ATG14: variants seen among roughly 807,000 people sequenced by gnomAD.
The protein encoded by ATG14 is autophagy related 14.
In ATG14, 35 loss-of-function variants were observed where a neutral mutation model predicts 60.4. The ratio of observed to expected loss-of-function variants is 0.58; its 90% CI spans 0.44 to 0.77. ATG14 has a LOEUF of 0.77. Ranked by LOEUF, ATG14 falls within the 30% of genes least tolerant of loss-of-function variation. The pLI is 0.00. For missense variants in ATG14, 647 were observed against 626.3 expected (o/e 1.03, Z -0.35); for synonymous variants, 234 against 228.8 (o/e 1.02, Z -0.21).
chr14:55,369,782 G>A lies in ATG14; in HGVS notation c.1316C>T (p.Pro439Leu). 1.2e-6 allele frequency: 2 copies of A among 1,614,184 alleles called. No homozygotes were observed. The highest frequency in any genetic ancestry group is 1.7e-6 in the Non-Finnish European group (2 of 1,180,026). The stretch of plus-strand genomic sequence containing the variant: ...AGGGATATCACAAAACCGGGGACTA[G>A]GCAAGTTCTCCCAGTCTGTGCCCAG... ...TDLGTDWENLPSPRFCDIPSQ... is the reference protein window; with the variant it reads ...TDLGTDWENLLSPRFCDIPSQ... Residue 439 changes from proline (P) to leucine (L), a missense_variant, in exon 10 of 10, where the codon CCT becomes CTT. Transcript: ENST00000247178.
chr14:55,397,940 A>ATTATTTTT (rs1404740029), intron 1 of ATG14, among the ~76,000 whole-genome samples: 1 of 136,836 alleles, frequency 7.3e-6, no homozygotes, highest in African/African-American at 3.0e-5. Flanking sequence ...CATTGCAGTA[A>ATTATTTTT]TTCTTTTTTT....
At position 55,369,429 on chromosome 14, in the gene ATG14, A is replaced by T. The variant is rs1884760378; in HGVS notation, c.*190T>A. 1 of 483,790 alleles carries T rather than the reference A, an allele frequency of 2.1e-6. No homozygotes were observed. The highest frequency in any genetic ancestry group is 3.5e-6 in the Non-Finnish European group (1 of 286,206). 30.0% of individuals were successfully genotyped at this position (483,790 alleles called of 1,614,324 possible). A position where few individuals can be genotyped will look rare whatever the true frequency, so the allele number is the denominator to read the frequency against. On this transcript the variant is annotated 3_prime_UTR_variant, in exon 10 of 10. Transcript: ENST00000247178. ...CCCTGTTCTCTTAATTATCATAAGCATGTTGGTCACCATCACAGGCCACTT... is the reference window on the plus strand; with the variant it reads ...CCCTGTTCTCTTAATTATCATAAGCTTGTTGGTCACCATCACAGGCCACTT...
rs75291779 is a variant in ATG14 at position 55,368,110 on chromosome 14, TA to T, written c.*1508del. 1 of 152,338 alleles carries T rather than the reference TA, an allele frequency of 6.6e-6. No individual in the cohort carries two copies. Among genetic ancestry groups the T allele is most frequent in the Non-Finnish European group, 1.5e-5 (1 of 67,940 alleles). 9.4% of individuals were successfully genotyped at this position (152,338 alleles called of 1,614,324 possible). ...AGGATTTTTTTGCAGTTATTAAAAATAAACTACTTACATATTTGTACATAAT... is the reference window on the plus strand; with the variant it reads ...AGGATTTTTTTGCAGTTATTAAAAATAACTACTTACATATTTGTACATAAT... On this transcript the variant is annotated 3_prime_UTR_variant, in exon 10 of 10. Transcript: ENST00000247178.
chr14:55,385,204 G>A (rs1172668393), intron 5 of ATG14, among the ~76,000 whole-genome samples: 2 of 152,166 alleles, frequency 1.3e-5, no homozygotes, highest in African/African-American at 4.8e-5. Flanking sequence ...ATCAGACAAG[G>A]AAATCAAGAT....
intron 1 of ATG14, among the ~76,000 whole-genome samples, chr14:55,408,682 G>C (rs1885526109): frequency 6.6e-6 from 1 of 152,170 alleles, no homozygotes; most frequent in African/African-American, 2.4e-5. Context: ...AAGATGGGAG[G>C]ATTGCTTGAG....
intron 4 of ATG14, among the ~76,000 whole-genome samples, chr14:55,390,273 G>A (rs1319642301): frequency 6.6e-6 from 1 of 151,994 alleles, no homozygotes; most frequent in African/African-American, 2.4e-5. Context: ...GTTTCACCAT[G>A]TTGGCCAGGC....
intron 4 of ATG14, among the ~76,000 whole-genome samples, chr14:55,388,289 G>C (rs3783653): frequency 3.9e-5 from 6 of 152,084 alleles, no homozygotes; most frequent in Non-Finnish European, 5.9e-5. Context: ...CCATGATTCT[G>C]AGTCATACAG....
chr14:55,392,723 T>C (rs1885240267), intron 3 of ATG14, among the ~76,000 whole-genome samples: 1 of 150,642 alleles, frequency 6.6e-6, no homozygotes. Context: ...CTCCGTAAAG[T>C]GAATAATTAA....
intron 4 of ATG14, among the ~76,000 whole-genome samples, chr14:55,386,320 G>A (rs1714766931): frequency 6.6e-6 from 1 of 152,196 alleles, no homozygotes; most frequent in South Asian, 2.1e-4. Context: ...ATCTCTATTT[G>A]TAATCATCAC....
At chr14:55,400,819 G>A (rs1885385233) in intron 1 of ATG14, among the ~76,000 whole-genome samples, 1 of 151,986 alleles carries the variant, frequency 6.6e-6, no homozygotes, top group Non-Finnish European at 1.5e-5. Context: ...CAGGAGAATT[G>A]CTTGAACCCG....
In ATG14 at chr14:55,367,400, A is replaced by G. The variant is rs754595578; in HGVS notation, c.*2219T>C. The G allele has an allele frequency of 2.0e-5, 3 of 152,238 alleles. No homozygotes were observed. Among genetic ancestry groups the G allele is most frequent in the Non-Finnish European group, 2.9e-5 (2 of 68,070 alleles). 9.4% of individuals were successfully genotyped at this position (152,238 alleles called of 1,614,324 possible). A position where few individuals can be genotyped will look rare whatever the true frequency, so the allele number is the denominator to read the frequency against. On this transcript the variant is annotated 3_prime_UTR_variant, in exon 10 of 10. Transcript: ENST00000247178. ...TGGATGGGAAAATGGAAGCCCAGCA[A>G]TCAATCATGAAGCTGAGCACTTAAA...
At chr14:55,370,298 TAACAAA>T (rs1245394984) in intron 9 of ATG14, among the ~76,000 whole-genome samples, 2 of 152,146 alleles carry the variant, frequency 1.3e-5, no homozygotes, top group African/African-American at 2.4e-5. Flanking sequence ...GAGACAATTC[TAACAAA>T]AAGCCACTTG....
At chr14:55,399,489 C>A (rs1326334474) in intron 1 of ATG14, among the ~76,000 whole-genome samples, 1 of 152,164 alleles carries the variant, frequency 6.6e-6, no homozygotes, top group African/African-American at 2.4e-5. Flanking sequence ...CCCATAGATT[C>A]ATCAGTCAGT....
intron 3 of ATG14, chr14:55,394,853 T>C (rs1885286311): frequency 3.1e-6 from 1 of 327,016 alleles, no homozygotes; most frequent in Non-Finnish European, 5.9e-6. Context: ...AATGCTAAGC[T>C]GACACCCAAG....
intron 5 of ATG14, among the ~76,000 whole-genome samples, chr14:55,384,984 G>A (rs1885098650): frequency 6.6e-6 from 1 of 152,200 alleles, no homozygotes; most frequent in South Asian, 2.1e-4. Context: ...CCACTGTCCT[G>A]TCTGTCCCAC....
At chr14:55,370,531 C>T (rs1884790318) in intron 9 of ATG14, among the ~76,000 whole-genome samples, 1 of 152,182 alleles carries the variant, frequency 6.6e-6, no homozygotes, top group South Asian at 2.1e-4. Flanking sequence ...CTCAAAGGTC[C>T]CTAATAACAC....
At chr14:55,378,551 TC>T (rs941912380) in intron 7 of ATG14, among the ~76,000 whole-genome samples, 3 of 152,178 alleles carry the variant, frequency 2.0e-5, no homozygotes, top group Non-Finnish European at 4.4e-5. Context: ...CAACTGCCAT[TC>T]TTTTTACCCA....
chr14:55,407,072 G>A (rs545232643), intron 1 of ATG14, among the ~76,000 whole-genome samples: 3 of 151,228 alleles, frequency 2.0e-5, no homozygotes, highest in South Asian at 2.1e-4. Context: ...AGCAATTCTC[G>A]TGCCTCAGCT....
intron 1 of ATG14, among the ~76,000 whole-genome samples, chr14:55,403,138 CA>C: frequency 6.6e-6 from 1 of 150,770 alleles, no homozygotes; most frequent in East Asian, 2.0e-4. Flanking sequence ...AAAATAGAAA[CA>C]AAGTGTTGTT....
Sources: allele counts gnomAD v4.1 joint callset (sites outside exome capture counted in the v4.1 genomes callset), GRCh38; gene constraint gnomAD v4.1.1; transcripts MANE v1.5; gene names NCBI Gene and HGNC (gene_info 2026-07-23, HGNC 2026-07-21).